RXFP1: variants seen among roughly 807,000 people sequenced by gnomAD.
RXFP1 encodes the protein relaxin receptor 1.
In RXFP1, 73 loss-of-function variants were observed where a neutral mutation model predicts 89.8. That is an observed-to-expected ratio of 0.81 (90% CI 0.67 to 0.99). RXFP1 has a LOEUF of 0.99. Among genes scored for constraint, RXFP1 ranks in the 50% least tolerant of loss-of-function variants. The probability of loss-of-function intolerance (pLI) is 0.00; values close to 1 mark genes in which losing one functional copy is unlikely to be tolerated. For synonymous variants in RXFP1, 277 were observed against 305.5 expected (o/e 0.91, Z 0.97); for missense variants, 793 against 895.5 (o/e 0.89, Z 1.46).
At chr4:158,569,939 T>C (rs1236250843) in intron 1 of RXFP1, among the ~76,000 whole-genome samples, 1 of 152,188 alleles carries the variant, frequency 6.6e-6, no homozygotes, top group Non-Finnish European at 1.5e-5. Flanking sequence ...GGACTGCTTT[T>C]TGAAGTATTG....
intron 1 of RXFP1, among the ~76,000 whole-genome samples, chr4:158,538,186 A>G (rs1745718271): frequency 6.6e-6 from 1 of 152,230 alleles, no homozygotes; most frequent in Admixed American, 6.5e-5. Context: ...TTCCAAGAAC[A>G]ATGGCATGTC....
At chr4:158,600,020 C>T (rs76723302) in intron 4 of RXFP1, among the ~76,000 whole-genome samples, 5,027 of 152,222 alleles carry the variant, frequency 0.033, 113 homozygotes, top group Admixed American at 0.052. Context: ...TTCTAGTACC[C>T]GTAATGTTAG....
intron 4 of RXFP1, among the ~76,000 whole-genome samples, chr4:158,600,482 A>G (rs543387995): frequency 6.6e-6 from 1 of 152,310 alleles, no homozygotes; most frequent in Non-Finnish European, 1.5e-5. Flanking sequence ...TCAGCATTCT[A>G]TCCTCTTCTT....
At chr4:158,609,711 A>G (rs1016362479) in intron 6 of RXFP1, among the ~76,000 whole-genome samples, 11 of 152,190 alleles carry the variant, frequency 7.2e-5, no homozygotes, top group African/African-American at 2.4e-4. Context: ...CACTTTAGCC[A>G]TGTCCTCTCC....
At position 158,648,639 on chromosome 4, in the gene RXFP1, A is replaced by G; in HGVS notation, c.1897A>G (p.Ile633Val). The G allele has an allele frequency of 2.5e-6, 4 of 1,613,346 alleles. No individual in the cohort carries two copies. Among genetic ancestry groups the G allele is most frequent in the Non-Finnish European group, 3.4e-6 (4 of 1,179,640 alleles). Residue 633 changes from isoleucine (I) to valine (V), a missense_variant, in exon 17 of 18, where the codon ATA (isoleucine) becomes GTA (valine). Transcript: ENST00000307765. ...EMILAKRFFF[I>V]VFTDALCWIP... ...GATCCTTGCCAAACGTTTTTTCTTT[A>G]TAGTATTTACTGATGCATTATGCTG... is the stretch of plus-strand genomic sequence containing the variant.
intron 2 of RXFP1, among the ~76,000 whole-genome samples, chr4:158,587,862 G>A (rs1758598260): frequency 1.3e-5 from 2 of 152,098 alleles, no homozygotes; most frequent in South Asian, 4.1e-4. Context: ...AACATGATGG[G>A]TACTTGCTAA....
At chr4:158,600,255 C>G (rs1230912408) in intron 4 of RXFP1, among the ~76,000 whole-genome samples, 2 of 152,030 alleles carry the variant, frequency 1.3e-5, no homozygotes, top group Admixed American at 6.6e-5. Context: ...CAAGTGTTAC[C>G]GTTTTCAAAC....
intron 1 of RXFP1, among the ~76,000 whole-genome samples, chr4:158,548,668 T>A (rs1254014986): frequency 2.0e-5 from 3 of 152,200 alleles, no homozygotes. Flanking sequence ...TCTCTCAACA[T>A]TTGCTTGTCT....
rs796981854 is a variant in RXFP1, at chr4:158,573,498, A to AT, written c.187+673dup. Among the ~76,000 whole-genome samples, 530 of 149,794 alleles carry AT rather than the reference A, an allele frequency of 3.5e-3. 7 individuals are homozygous for AT. The highest frequency in any genetic ancestry group is 0.011 in the African/African-American group (467 of 40,942). On this transcript the variant is annotated intron_variant, in intron 2 of 17. Transcript: ENST00000307765. ...TTGAAAGCATTAGATTTTTTTTGTGATTTTTTTTTTAAGCTCATCAGCTAT... is the reference window on the plus strand; with the variant it reads ...TTGAAAGCATTAGATTTTTTTTGTGATTTTTTTTTTTAAGCTCATCAGCTAT...
In RXFP1 at chr4:158,648,606, A is replaced by G. The variant is rs1580342710; in HGVS notation, c.1864A>G (p.Lys622Glu). Residue 622 changes from lysine to glutamate, a missense_variant, in exon 17 of 18, where the codon AAA becomes GAA. By Grantham distance (56) the Lys-to-Glu change is moderately conservative. Transcript: ENST00000307765. The stretch of plus-strand genomic sequence containing the variant: ...AACTGAAATACGGAATCAAGTTAAA[A>G]AAGAGATGATCCTTGCCAAACGTTT... Reference protein sequence around the residue: ...TATEIRNQVKKEMILAKRFFF... With the variant: ...TATEIRNQVKEEMILAKRFFF... The G allele has an allele frequency of 2.5e-6, 4 of 1,613,320 alleles. No individual in the cohort carries two copies. The highest frequency in any genetic ancestry group is 3.4e-6 in the Non-Finnish European group (4 of 1,179,414).
intron 1 of RXFP1, among the ~76,000 whole-genome samples, chr4:158,523,455 T>A (rs146614621): frequency 7.2e-4 from 109 of 152,338 alleles, no homozygotes; most frequent in African/African-American, 2.5e-3. Context: ...TGTTTACCTG[T>A]ACCCTTTTGT....
At chr4:158,609,968 T>G (rs1391684060) in intron 6 of RXFP1, among the ~76,000 whole-genome samples, 1 of 152,212 alleles carries the variant, frequency 6.6e-6, no homozygotes, top group Non-Finnish European at 1.5e-5. Context: ...GGAGTGTTGT[T>G]GAGTGTTAAA....
rs945493793 is a variant in RXFP1 at position 158,653,111 on chromosome 4, T to G, written c.*1056T>G. The G allele has an allele frequency of 6.6e-6, 1 of 152,268 alleles. No homozygotes were observed. Among genetic ancestry groups the G allele is most frequent in the Non-Finnish European group, 1.5e-5 (1 of 68,046 alleles). 9.4% of individuals were successfully genotyped at this position (152,268 alleles called of 1,614,324 possible). A position where few individuals can be genotyped will look rare whatever the true frequency, so the allele number is the denominator to read the frequency against. On this transcript the variant is annotated 3_prime_UTR_variant, in exon 18 of 18. Transcript: ENST00000307765. The stretch of plus-strand genomic sequence containing the variant: ...AAAATCTTTCTTCAAGAAATGACTT[T>G]ACTTTCTCTTTGCACTGCCAGCACG...
intron 14 of RXFP1, among the ~76,000 whole-genome samples, chr4:158,642,061 G>A (rs1158267204): frequency 6.6e-6 from 1 of 152,028 alleles, no homozygotes; most frequent in Non-Finnish European, 1.5e-5. Flanking sequence ...GTGAGAGATA[G>A]GCATGTTAGC....
intron 14 of RXFP1, among the ~76,000 whole-genome samples, chr4:158,641,440 G>A (rs1770360095): frequency 1.3e-5 from 2 of 152,158 alleles, no homozygotes; most frequent in African/African-American, 2.4e-5. Context: ...TATCAGAAGA[G>A]TGATTGAGTG....
In RXFP1 at chr4:158,647,152, A is replaced by C; in HGVS notation, c.1707A>C (p.Glu569Asp). The C allele has an allele frequency of 1.2e-6, 2 of 1,610,326 alleles. No individual in the cohort carries two copies. The highest frequency in any genetic ancestry group is 1.7e-6 in the Non-Finnish European group (2 of 1,178,646). ...GAGTATGCTTCCCTCTTCATTCAGA[A>C]GATACAGAAAGTATTGGAGCCCAGA... ...TNGVCFPLHSEDTESIGAQIY... is the reference protein window; with the variant it reads ...TNGVCFPLHSDDTESIGAQIY... The change falls in exon 16 of 18, where the codon GAA becomes GAC. Residue 569 changes from glutamate (E) to aspartate (D), a missense_variant. Glu to Asp is a conservative substitution (Grantham distance 45). Transcript: ENST00000307765.
chr4:158,618,604 A>C (rs950419770), intron 9 of RXFP1, among the ~76,000 whole-genome samples: 1 of 152,068 alleles, frequency 6.6e-6, no homozygotes, highest in Non-Finnish European at 1.5e-5. Flanking sequence ...CCTTTTTATA[A>C]CTAATGATAC....
intron 1 of RXFP1, among the ~76,000 whole-genome samples, chr4:158,534,384 A>C (rs1016990993): frequency 6.6e-6 from 1 of 151,740 alleles, no homozygotes; most frequent in Non-Finnish European, 1.5e-5. Context: ...AGTAACTGGG[A>C]TTACAGGCAT....
chr4:158,624,027 CTATTATAGATGGGTCTCTGTTATATG>C (rs1766206218), intron 9 of RXFP1, among the ~76,000 whole-genome samples: 1 of 152,016 alleles, frequency 6.6e-6, no homozygotes, highest in Admixed American at 6.6e-5. Flanking sequence ...CGTATTTATG[CTATTATAGATGGGTCTCTGTTATATG>C]TACGTGCACC....
Sources: allele counts gnomAD v4.1 joint callset (sites outside exome capture counted in the v4.1 genomes callset), GRCh38; gene constraint gnomAD v4.1.1; transcripts MANE v1.5; gene names NCBI Gene and HGNC (gene_info 2026-07-23, HGNC 2026-07-21).